The following POLR2B variants were observed in gnomAD, a reference collection of about 807,000 sequenced individuals.
The protein encoded by POLR2B is DNA-directed RNA polymerase II subunit RPB2.
In POLR2B, 57 loss-of-function variants were observed where a neutral mutation model predicts 144.6. The observed-to-expected ratio is 0.39, with a 90% CI of 0.32 to 0.49. The LOEUF is 0.49. Ranked by LOEUF, POLR2B falls within the 20% of genes least tolerant of loss-of-function variation. The pLI is 0.83. For synonymous variants in POLR2B, 442 were observed against 469.8 expected, an observed-to-expected ratio of 0.94 and a Z score of 0.77; for missense variants, 595 against 1,467.4, an observed-to-expected ratio of 0.41 and a Z score of 9.71.
chr4:57,027,356 G>A, intron 23 of POLR2B, among the ~76,000 whole-genome samples: 1 of 151,700 alleles, frequency 6.6e-6, no homozygotes, highest in Non-Finnish European at 1.5e-5. Flanking sequence ...TGCCTAGGCT[G>A]GAGTGTGGTG....
At chr4:56,992,460 GTC>G (rs1722542585) in intron 3 of POLR2B, among the ~76,000 whole-genome samples, 1 of 26,220 alleles carries the variant, frequency 3.8e-5, no homozygotes, top group Non-Finnish European at 6.0e-5. Context: ...TCGAGACTCT[GTC>G]TCAAAAAAAA....
chr4:57,007,163 C>T (rs113606660), intron 10 of POLR2B, among the ~76,000 whole-genome samples, 161 bp downstream of exon 10: 123 of 152,328 alleles, frequency 8.1e-4, no homozygotes, highest in Middle Eastern at 3.4e-3. Flanking sequence ...AATCCCAGCA[C>T]TTTGGGAGGC....
intron 2 of POLR2B, among the ~76,000 whole-genome samples, chr4:56,988,685 G>A (rs1272514599): frequency 6.6e-6 from 1 of 152,048 alleles, no homozygotes; most frequent in Non-Finnish European, 1.5e-5. Flanking sequence ...GTAAACTTTT[G>A]TAAACACAAA....
At chr4:57,027,260 T>C (rs960954443) in intron 23 of POLR2B, among the ~76,000 whole-genome samples, 10 of 152,114 alleles carry the variant, frequency 6.6e-5, no homozygotes. Flanking sequence ...CCGCCTGCCT[T>C]GGCCTTCCAA....
intron 22 of POLR2B, 62 bp from the exon 23 acceptor site, chr4:57,025,315 C>T: frequency 8.7e-7 from 1 of 1,146,596 alleles, no homozygotes. Context: ...AATATATACA[C>T]ATATCTTCTT....
At chr4:57,010,255 C>A in intron 10 of POLR2B, 106 bp from the exon 11 acceptor site, 1 of 952,590 alleles carries the variant, frequency 1.0e-6, no homozygotes, top group Non-Finnish European at 1.6e-6. Context: ...AAATGGGGAA[C>A]AGTTTGATAC....
At chr4:57,021,212 C>T (rs1335186396) in intron 17 of POLR2B, among the ~76,000 whole-genome samples, 4 of 152,102 alleles carry the variant, frequency 2.6e-5, no homozygotes, top group Non-Finnish European at 5.9e-5. Context: ...TATACAGTTG[C>T]ATTTAGATAA....
intron 7 of POLR2B, among the ~76,000 whole-genome samples, chr4:57,001,904 G>A (rs930048728): frequency 2.0e-5 from 3 of 152,100 alleles, no homozygotes; most frequent in African/African-American, 2.4e-5. Context: ...GATTTTGCAG[G>A]CTAAATCTTT....
intron 7 of POLR2B, among the ~76,000 whole-genome samples, chr4:57,001,852 A>G (rs540479092): frequency 9.1e-4 from 138 of 152,318 alleles, no homozygotes; most frequent in African/African-American, 3.1e-3. Flanking sequence ...ATTGTCTTAA[A>G]TTGTCCAGAG....
rs1278744771 is a variant in POLR2B, at chr4:57,022,819, G to GT, written c.2516-508dup. Among the ~76,000 whole-genome samples, 5 of 152,238 alleles carry GT rather than the reference G, an allele frequency of 3.3e-5. No homozygotes were observed. The East Asian group carries it at 9.7e-4, about 29-fold the overall frequency. Reference sequence around the variant, plus strand: ...CATTGCATGAAGTAAAATGTATTTTGTTTCCTTTGCCATCTTCCTGTTACT... The same window carrying GT: ...CATTGCATGAAGTAAAATGTATTTTGTTTTCCTTTGCCATCTTCCTGTTACT... On this transcript the variant is annotated intron_variant, in intron 18 of 24. Transcript: ENST00000314595.
At chr4:57,000,967 A>T (rs1722833923) in intron 7 of POLR2B, among the ~76,000 whole-genome samples, 1 of 152,102 alleles carries the variant, frequency 6.6e-6, no homozygotes, top group Non-Finnish European at 1.5e-5. Context: ...AAGTGATAGG[A>T]TTACAACAAT....
At position 56,994,498 on chromosome 4, in the gene POLR2B, C is replaced by G; in HGVS notation, c.338C>G (p.Ala113Gly). ...GAPSPMMPNE[A>G]RLRNLTYSAP... ...CCTTCACCAATGATGCCCAATGAAG[C>G]TAGATTAAGGAATCTCACGTAAGAA... is the stretch of plus-strand genomic sequence containing the variant. The change falls in exon 4 of 25, where the codon GCT (alanine) becomes GGT (glycine). Residue 113 changes from alanine to glycine, a missense_variant. Transcript: ENST00000314595. The G allele has an allele frequency of 6.3e-7, 1 of 1,587,994 alleles. No individual in the cohort carries two copies. The highest frequency in any genetic ancestry group is 1.1e-5 in the South Asian group (1 of 90,466).
At position 57,001,280 on chromosome 4, in the gene POLR2B, TTG is replaced by T. The variant is rs1722845690; in HGVS notation, c.900+1502_900+1503del. On this transcript the variant is annotated intron_variant, in intron 7 of 24. Coordinates refer to ENST00000314595, the MANE Select transcript of POLR2B (RefSeq NM_000938.3). ...TTCAAGCGATTCTCCTGCCTCAGCC[TTG>T]TGAGTAGCTGGGATTACAGGCACGT... is the stretch of plus-strand genomic sequence containing the variant. Among the ~76,000 whole-genome samples, 3 of 152,200 alleles carry T rather than the reference TTG, an allele frequency of 2.0e-5. No individual in the cohort carries two copies. The South Asian group carries it at 6.2e-4, about 32-fold the overall frequency.
chr4:57,012,459 C>T (rs1723223147), intron 13 of POLR2B, among the ~76,000 whole-genome samples: 1 of 151,652 alleles, frequency 6.6e-6, no homozygotes, highest in Non-Finnish European at 1.5e-5. Flanking sequence ...AACTTTATTA[C>T]TCTCCCAAGT....
At chr4:57,011,153 TAGGA>T (rs1723175911) in intron 13 of POLR2B, 53 bp downstream of exon 13, 1 of 1,094,710 alleles carries the variant, frequency 9.1e-7, no homozygotes, top group Non-Finnish European at 1.4e-6. Flanking sequence ...AAACAAGGCA[TAGGA>T]CTAGTGAAAG....
chr4:57,030,657 A>G (rs1723886978), intron 24 of POLR2B: 3 of 547,642 alleles, frequency 5.5e-6, no homozygotes, highest in South Asian at 2.9e-5. Context: ...ATTTTAAACA[A>G]TGAGTTTTTG....
intron 7 of POLR2B, among the ~76,000 whole-genome samples, chr4:57,001,168 C>T (rs149067536): frequency 1.3e-5 from 2 of 152,070 alleles, no homozygotes; most frequent in Non-Finnish European, 2.9e-5. Flanking sequence ...TACAATCCTT[C>T]CTTGGCCTTA....
intron 1 of POLR2B, chr4:56,985,563 G>T: frequency 1.4e-6 from 1 of 698,614 alleles, no homozygotes; most frequent in Non-Finnish European, 1.8e-6. Context: ...ACCCTGCCTG[G>T]CTAATTTTTG....
At chr4:57,030,821 C>T in intron 24 of POLR2B, 78 bp from the exon 25 acceptor site, 1 of 806,736 alleles carries the variant, frequency 1.2e-6, no homozygotes, top group Non-Finnish European at 2.2e-6. Context: ...AGTACCAGAT[C>T]TTTGTCTTTT....
Sources: allele counts gnomAD v4.1 joint callset (sites outside exome capture counted in the v4.1 genomes callset), GRCh38; gene constraint gnomAD v4.1.1; transcripts MANE v1.5; gene names NCBI Gene and HGNC (gene_info 2026-07-23, HGNC 2026-07-21).